Variants in TNNI3K observed in about 807,000 individuals in gnomAD.
The protein encoded by TNNI3K is TNNI3 interacting kinase.
Under a neutral mutation model 114.5 loss-of-function variants are expected in TNNI3K, and 140 were observed. The observed-to-expected ratio is 1.22, with a 90% CI of 1.07 to 1.41. The LOEUF (loss-of-function observed/expected upper bound fraction) is 1.41, where lower values mean the gene tolerates loss of function less well. Among genes scored for constraint, TNNI3K ranks in the 40% most tolerant of loss-of-function variants. TNNI3K has a pLI of 0.00. For synonymous variants in TNNI3K, 347 were observed against 347.5 expected (o/e 1.00, Z 0.02); for missense variants, 1,125 against 1,007.6 (o/e 1.12, Z -1.58).
At chr1:74,285,213 A>G (rs1657257119) in intron 5 of TNNI3K, among the ~76,000 whole-genome samples, 1 of 152,140 alleles carries the variant, frequency 6.6e-6, no homozygotes, top group Non-Finnish European at 1.5e-5. Context: ...GGACTCACTA[A>G]CACATGGCTT....
At chr1:74,440,840 G>A (rs187577064) in intron 20 of TNNI3K, among the ~76,000 whole-genome samples, 3 of 152,192 alleles carry the variant, frequency 2.0e-5, no homozygotes, top group Non-Finnish European at 2.9e-5. Flanking sequence ...CTTAGAGTGT[G>A]CATCCTGATA....
At chr1:74,321,340 C>T (rs1388208937) in intron 5 of TNNI3K, among the ~76,000 whole-genome samples, 1 of 152,136 alleles carries the variant, frequency 6.6e-6, no homozygotes, top group Non-Finnish European at 1.5e-5. Context: ...CTTTTGTTCT[C>T]TGCTTCTTAG....
intron 23 of TNNI3K, among the ~76,000 whole-genome samples, chr1:74,509,292 A>G (rs971442028): frequency 2.0e-5 from 3 of 152,188 alleles, no homozygotes; most frequent in African/African-American, 7.2e-5. Context: ...CCCAGCAGCT[A>G]TTTATGACAA....
rs1407414527 is a variant in TNNI3K, at chr1:74,336,098, G to T, written c.631G>T (p.Gly211Ter). Reference sequence around the variant, plus strand: ...ACCCCTCCACCTAGCATCTGCAAAAGGATTCTTGAATATTGCAAAACTCTT... The same window carrying T: ...ACCCCTCCACCTAGCATCTGCAAAATGATTCTTGAATATTGCAAAACTCTT... ...DRPLHLASAK[G>*]FLNIAKLLME... Residue 211 changes from glycine to a stop codon, truncating the protein, a stop_gained, in exon 7 of 25, where the codon GGA (glycine) becomes TGA (stop). Transcript: ENST00000326637. LOFTEE classifies it high-confidence loss of function. The T allele has an allele frequency of 6.2e-7, 1 of 1,603,632 alleles. No homozygotes were observed. Among genetic ancestry groups the T allele is most frequent in the Admixed American group, 1.8e-5 (1 of 57,000 alleles).
At chr1:74,379,215 A>G (rs1663074033) in intron 17 of TNNI3K, among the ~76,000 whole-genome samples, 1 of 152,052 alleles carries the variant, frequency 6.6e-6, no homozygotes, top group African/African-American at 2.4e-5. Flanking sequence ...GAATTGAAAT[A>G]TGGCTCAAGA....
At chr1:74,350,977 G>A (rs1318844170) in intron 9 of TNNI3K, among the ~76,000 whole-genome samples, 1 of 151,868 alleles carries the variant, frequency 6.6e-6, no homozygotes, top group Non-Finnish European at 1.5e-5. Context: ...TTTAAGGTTA[G>A]TATTGTTATG....
intron 17 of TNNI3K, among the ~76,000 whole-genome samples, chr1:74,421,679 G>A (rs927242732): frequency 1.3e-5 from 2 of 152,074 alleles, no homozygotes; most frequent in African/African-American, 4.8e-5. Flanking sequence ...GGCTTAGCTT[G>A]ATTGCTAAGG....
At chr1:74,446,791 A>T (rs1240959151) in intron 20 of TNNI3K, among the ~76,000 whole-genome samples, 1 of 147,826 alleles carries the variant, frequency 6.8e-6, no homozygotes, top group Non-Finnish European at 1.5e-5. Context: ...CATTTATTAA[A>T]TAGGGAATCC....
At chr1:74,483,387 G>C (rs1476061755) in intron 21 of TNNI3K, 2 of 716,926 alleles carry the variant, frequency 2.8e-6, no homozygotes, top group Admixed American at 4.0e-5. Flanking sequence ...TGAAAGGAAA[G>C]TAGAGGGCAA....
intron 5 of TNNI3K, among the ~76,000 whole-genome samples, chr1:74,327,698 T>C (rs1236530505): frequency 6.8e-6 from 1 of 146,672 alleles, no homozygotes; most frequent in Non-Finnish European, 1.5e-5. Context: ...TATATAAATA[T>C]ATATTCTATA....
At chr1:74,338,518 G>A (rs1660594216) in intron 7 of TNNI3K, among the ~76,000 whole-genome samples, 1 of 151,728 alleles carries the variant, frequency 6.6e-6, no homozygotes, top group Non-Finnish European at 1.5e-5. Flanking sequence ...ACCCCCAAGA[G>A]ACCTAATTAA....
At position 74,352,587 on chromosome 1, in the gene TNNI3K, A is replaced by G. The variant is rs1661420522; in HGVS notation, c.933-679A>G. On this transcript the variant is annotated intron_variant, in intron 9 of 24. Coordinates refer to ENST00000326637, the MANE Select transcript of TNNI3K (RefSeq NM_015978.3). ...AGAGGTGGAGCCTACAGAGGCAGGC[A>G]GGCCTCCTTGAGCTGTGGTCGGCTC... 3.9e-5 allele frequency among the ~76,000 whole-genome samples: 6 copies of G among 152,314 alleles called. 1 individual carries two copies. The South Asian group carries it at 1.2e-3, about 32-fold the overall frequency.
intron 9 of TNNI3K, 63 bp from the exon 10 acceptor site, chr1:74,353,203 G>A: frequency 1.9e-6 from 3 of 1,558,090 alleles, no homozygotes; most frequent in Non-Finnish European, 2.6e-6. Context: ...GTAGGGGAGA[G>A]GGCACAATTT....
intron 5 of TNNI3K, among the ~76,000 whole-genome samples, chr1:74,293,497 C>T (rs1295602856): frequency 1.3e-5 from 2 of 151,514 alleles, no homozygotes; most frequent in Non-Finnish European, 3.0e-5. Context: ...TTTGATAGAA[C>T]TATTTTTTAA....
At chr1:74,437,798 C>G (rs901880744) in intron 19 of TNNI3K, among the ~76,000 whole-genome samples, 3 of 151,746 alleles carry the variant, frequency 2.0e-5, no homozygotes, top group African/African-American at 4.8e-5. Context: ...AGTTTAGAAA[C>G]TTTTTTTAAG....
intron 17 of TNNI3K, among the ~76,000 whole-genome samples, chr1:74,430,482 A>G (rs571187983): frequency 6.6e-6 from 1 of 152,200 alleles, no homozygotes; most frequent in South Asian, 2.1e-4. Flanking sequence ...ACCACTTTGC[A>G]AACAGCTTAT....
At chr1:74,526,642 TA>T (rs1201715943) in intron 23 of TNNI3K, among the ~76,000 whole-genome samples, 9 of 152,346 alleles carry the variant, frequency 5.9e-5, no homozygotes, top group East Asian at 1.9e-4. Context: ...ATAAATTGGA[TA>T]TTTTTTTCTG....
chr1:74,396,161 A>G (rs1184969973), intron 17 of TNNI3K, among the ~76,000 whole-genome samples: 1 of 152,202 alleles, frequency 6.6e-6, no homozygotes, highest in Non-Finnish European at 1.5e-5. Flanking sequence ...CTCACAAAGT[A>G]GAGGACAGGG....
intron 5 of TNNI3K, among the ~76,000 whole-genome samples, chr1:74,317,896 G>A (rs1436700133): frequency 6.6e-6 from 1 of 152,080 alleles, no homozygotes; most frequent in African/African-American, 2.4e-5. Context: ...GTCATCCAGG[G>A]GAACCCCCTG....
Sources: gnomAD v4.1 joint callset for allele counts (sites outside exome capture counted in the v4.1 genomes callset) on GRCh38, gnomAD v4.1.1 for gene constraint, MANE v1.5 for transcripts, NCBI Gene and HGNC (gene_info 2026-07-23, HGNC 2026-07-21) for gene names.